OPRM1: variants seen among roughly 807,000 people sequenced by gnomAD.
The protein encoded by OPRM1 is mu-type opioid receptor.
OPRM1 carries 27 observed loss-of-function variants against 31.8 expected under a neutral mutation model. The observed-to-expected ratio is 0.85, with a 90% CI of 0.63 to 1.17. OPRM1 has a LOEUF of 1.17. Among genes scored for constraint, OPRM1 ranks in the 50% most tolerant of loss-of-function variants. The pLI is 0.00. For missense variants in OPRM1, 536 were observed against 511.1 expected (o/e 1.05, Z -0.47); for synonymous variants, 196 against 189.9 (o/e 1.03, Z -0.26).
At position 154,046,450 on chromosome 6, in the gene OPRM1, C is replaced by T. The variant is rs571777992; in HGVS notation, c.290+6616C>T. 1.6e-4 allele frequency among the ~76,000 whole-genome samples: 25 copies of T among 152,214 alleles called. No individual in the cohort carries two copies. The South Asian group carries it at 4.8e-3, about 29-fold the overall frequency. On this transcript the variant is annotated intron_variant, in intron 1 of 3. Coordinates refer to ENST00000330432, the MANE Select transcript of OPRM1 (RefSeq NM_000914.5). The stretch of plus-strand genomic sequence containing the variant: ...CAAATTATCTGAGGGTATAAGAAAA[C>T]AAACAAACAAAAAATCCTGCCACTC...
At chr6:154,019,083 C>T (rs533505700) in intron 1 of OPRM1, among the ~76,000 whole-genome samples, 5 of 151,892 alleles carry the variant, frequency 3.3e-5, no homozygotes, top group South Asian at 2.1e-4. Context: ...CCCAACCTCT[C>T]GCGCATTTAT....
intron 1 of OPRM1, chr6:154,087,119 A>C (rs1277120644): frequency 6.1e-6 from 6 of 985,402 alleles, no homozygotes; most frequent in Non-Finnish European, 7.2e-6. Context: ...TGAAACTCCC[A>C]AAGTAAGTCC....
intron 3 of OPRM1, among the ~76,000 whole-genome samples, chr6:154,165,279 C>T (rs1799336217): frequency 6.6e-6 from 1 of 152,178 alleles, no homozygotes; most frequent in African/African-American, 2.4e-5. Context: ...AAGCTCCATT[C>T]ACATCCCCTC....
Position 154,017,301 on chromosome 6 carries a change from C to A in OPRM1, c.-1+6283C>A, listed in dbSNP as rs75903946. On this transcript the variant is annotated intron_variant, in intron 1 of 5. Transcript: ENST00000434900. ...AATATTTGTTAAGTAAATGCATGGGCGAGTATTGATTTTTTGTCACAGCCA... is the reference window on the plus strand; with the variant it reads ...AATATTTGTTAAGTAAATGCATGGGAGAGTATTGATTTTTTGTCACAGCCA... Among the ~76,000 whole-genome samples the A allele has an allele frequency of 9.2e-3, 1,401 of 152,188 alleles. 21 individuals are homozygous for A. Among genetic ancestry groups the A allele is most frequent in the African/African-American group, 0.032 (1,325 of 41,526 alleles).
chr6:154,048,253 C>T (rs1317286919), intron 1 of OPRM1, among the ~76,000 whole-genome samples: 2 of 152,154 alleles, frequency 1.3e-5, no homozygotes, highest in African/African-American at 4.8e-5. Flanking sequence ...TTCCAATATG[C>T]TTCATGTTTA....
intron 1 of OPRM1, among the ~76,000 whole-genome samples, chr6:154,063,014 T>C (rs1191935341): frequency 6.6e-6 from 1 of 152,064 alleles, no homozygotes; most frequent in Admixed American, 6.5e-5. Flanking sequence ...GTTGTGCTAT[T>C]ATTAAACATT....
chr6:154,134,034 C>T (rs1206101154), downstream of OPRM1, among the ~76,000 whole-genome samples: 1 of 152,196 alleles, frequency 6.6e-6, no homozygotes, highest in Admixed American at 6.5e-5. Context: ...TTTTTAAAAA[C>T]TTTGGCTGTC....
intron 1 of OPRM1, among the ~76,000 whole-genome samples, chr6:154,055,550 A>G (rs934446994): frequency 6.6e-6 from 1 of 152,176 alleles, no homozygotes; most frequent in Non-Finnish European, 1.5e-5. Flanking sequence ...ATCCATTATA[A>G]TATTTCTAAT....
chr6:154,093,237 G>A lies in OPRM1; in HGVS notation c.1164+1765G>A. The A allele has an allele frequency of 2.6e-6, 4 of 1,557,084 alleles. 1 individual carries two copies. In the South Asian group the frequency reaches 3.6e-5, roughly 14 times the overall value. On this transcript the variant is annotated intron_variant, in intron 3 of 3. Coordinates refer to ENST00000330432, the MANE Select transcript of OPRM1 (RefSeq NM_000914.5). The stretch of plus-strand genomic sequence containing the variant: ...ATATTTCCATTGGAGCAAAATAATG[G>A]CCATTATAAAGTACTGACTCTTTCT...
intron 1 of OPRM1, among the ~76,000 whole-genome samples, chr6:154,056,410 A>G (rs1259117899): frequency 6.6e-6 from 1 of 151,924 alleles, no homozygotes; most frequent in Non-Finnish European, 1.5e-5. Flanking sequence ...GCGTGAGCCA[A>G]CGCGCCCGGC....
intron 1 of OPRM1, chr6:154,083,586 G>C (rs1562442353): frequency 6.6e-6 from 1 of 152,392 alleles, no homozygotes; most frequent in Non-Finnish European, 1.5e-5. Flanking sequence ...AGAAAGCAGA[G>C]AAGATTGGGA....
rs1301566312 is a variant in OPRM1, at chr6:154,039,311, G to C, written c.-234G>C. The C allele has an allele frequency of 6.4e-7, 1 of 1,550,720 alleles. No homozygotes were observed. The highest frequency in any genetic ancestry group is 8.7e-7 in the Non-Finnish European group (1 of 1,146,576). On this transcript the variant is annotated 5_prime_UTR_variant, in exon 1 of 4. It removes an upstream start codon present in the reference 5' UTR. Coordinates refer to ENST00000330432, the MANE Select transcript of OPRM1 (RefSeq NM_000914.5). ...CCTGCAGCGGTGCGGGGCAGGTGAT[G>C]AGCCTCTGTGAACTACTAAGGTGGG...
At chr6:154,177,657 G>A (rs1459598368) in intron 3 of OPRM1, among the ~76,000 whole-genome samples, 2 of 152,224 alleles carry the variant, frequency 1.3e-5, no homozygotes, top group Non-Finnish European at 2.9e-5. Flanking sequence ...TGGAGAGGAT[G>A]TGGAGAAATA....
Position 154,091,333 on chromosome 6 carries a change from A to T in OPRM1, c.1025A>T (p.Asp342Val), listed in dbSNP as rs199649616. 6.8e-6 allele frequency: 11 copies of T among 1,614,200 alleles called. No individual in the cohort carries two copies. Among genetic ancestry groups the T allele is most frequent in the Admixed American group, 1.7e-5 (1 of 60,018 alleles). Reference protein sequence around the residue: ...CLNPVLYAFLDENFKRCFREF... With the variant: ...CLNPVLYAFLVENFKRCFREF... ...AACCCAGTCCTTTATGCATTTCTGG[A>T]TGAAAACTTCAAACGATGCTTCAGA... The change falls in exon 3 of 4, where the codon GAT becomes GTT. Residue 342 changes from aspartate (D) to valine (V), a missense_variant. Asp to Val is a radical substitution (Grantham distance 152, BLOSUM62 -3). Transcript: ENST00000330432.
At chr6:154,054,276 G>A (rs1413869074) in intron 1 of OPRM1, among the ~76,000 whole-genome samples, 2 of 151,530 alleles carry the variant, frequency 1.3e-5, no homozygotes, top group African/African-American at 4.9e-5. Context: ...GGCTGGGGAA[G>A]GAGAATTGCG....
chr6:154,236,016 A>T (rs1415626085), intron 3 of OPRM1, among the ~76,000 whole-genome samples: 1 of 152,230 alleles, frequency 6.6e-6, no homozygotes, highest in Non-Finnish European at 1.5e-5. Context: ...AAAACAATTA[A>T]GATAGAACTA....
chr6:154,091,264 C>A lies in OPRM1; in HGVS notation c.956C>A (p.Ser319Tyr), dbSNP rs201977184. 12 of 1,614,192 alleles carry A rather than the reference C, an allele frequency of 7.4e-6. No individual in the cohort carries two copies. The highest frequency in any genetic ancestry group is 3.3e-4 in the Middle Eastern group (2 of 6,062). Residue 319 changes from serine (S) to tyrosine (Y), a missense_variant, in exon 3 of 4, where the codon TCT becomes TAT. Transcript: ENST00000330432. Reference protein sequence around the residue: ...TIPETTFQTVSWHFCIALGYT... With the variant: ...TIPETTFQTVYWHFCIALGYT... ...CCAGAAACTACGTTCCAGACTGTTT[C>A]TTGGCACTTCTGCATTGCTCTAGGT...
At chr6:154,036,454 A>G (rs1779302124), upstream of OPRM1, among the ~76,000 whole-genome samples, 1 of 152,096 alleles carries the variant, frequency 6.6e-6, no homozygotes, top group Non-Finnish European at 1.5e-5. Context: ...AATATGAAGC[A>G]CAAAGTTCAA....
At chr6:154,110,422 A>G in intron 3 of OPRM1, 1 of 1,494,068 alleles carries the variant, frequency 6.7e-7, no homozygotes, top group Non-Finnish European at 9.1e-7. Context: ...TAATTACAAT[A>G]TTTTCCCGTG....
Sources: allele counts gnomAD v4.1 joint callset (sites outside exome capture counted in the v4.1 genomes callset), GRCh38; gene constraint gnomAD v4.1.1; transcripts MANE v1.5; gene names NCBI Gene and HGNC (gene_info 2026-07-23, HGNC 2026-07-21).